CNTN5: variants seen among roughly 807,000 people sequenced by gnomAD.
CNTN5 encodes contactin 5.
CNTN5 carries 77 observed loss-of-function variants against 129.1 expected under a neutral mutation model. That is an observed-to-expected ratio of 0.60 (90% CI 0.50 to 0.72). The LOEUF (loss-of-function observed/expected upper bound fraction) is 0.72, where lower values mean the gene tolerates loss of function less well. CNTN5 is among the 30% of genes least tolerant of loss of function. The probability of loss-of-function intolerance (pLI) is 0.00; values close to 1 mark genes in which losing one functional copy is unlikely to be tolerated. For synonymous variants in CNTN5, 509 were observed against 465.6 expected, an observed-to-expected ratio of 1.09 and a Z score of -1.20; for missense variants, 1,478 against 1,328.8, an observed-to-expected ratio of 1.11 and a Z score of -1.75.
At chr11:99,545,834 G>GT (rs1948272888) in intron 2 of CNTN5, among the ~76,000 whole-genome samples, 1 of 152,124 alleles carries the variant, frequency 6.6e-6, no homozygotes, top group Non-Finnish European at 1.5e-5. Context: ...CCCCTTTTCC[G>GT]TAAGTTGCAC....
chr11:100,221,307 T>C (rs1318474433), intron 15 of CNTN5, among the ~76,000 whole-genome samples: 1 of 152,198 alleles, frequency 6.6e-6, no homozygotes, highest in African/African-American at 2.4e-5. Context: ...GGTAGAATCA[T>C]GCTCTAAAGA....
chr11:99,383,592 G>A (rs1427299654), intron 2 of CNTN5, among the ~76,000 whole-genome samples: 1 of 140,696 alleles, frequency 7.1e-6, no homozygotes, highest in Non-Finnish European at 1.6e-5. Flanking sequence ...AGGTTGAGAA[G>A]CTGCTTTTTT....
chr11:99,294,731 T>C (rs1221532763), intron 1 of CNTN5, among the ~76,000 whole-genome samples: 1 of 152,220 alleles, frequency 6.6e-6, no homozygotes, highest in Non-Finnish European at 1.5e-5. Flanking sequence ...GGAGGTGGAA[T>C]GAGGATACTC....
rs150690006 is a variant in CNTN5 at position 99,692,559 on chromosome 11, C to T, written c.56-126985C>T. 5.4e-3 allele frequency among the ~76,000 whole-genome samples: 820 copies of T among 151,638 alleles called. 9 individuals carry two copies. The highest frequency in any genetic ancestry group is 0.018 in the African/African-American group (749 of 41,340). Reference sequence around the variant, plus strand: ...TTCTTTAATAATATTGAATATTTGCCCTCAATCTCTTCTGGTTTGTAAGGT... The same window carrying T: ...TTCTTTAATAATATTGAATATTTGCTCTCAATCTCTTCTGGTTTGTAAGGT... On this transcript the variant is annotated intron_variant, in intron 3 of 24. Transcript: ENST00000524871.
intron 3 of CNTN5, among the ~76,000 whole-genome samples, chr11:99,688,794 C>G (rs1191167413): frequency 6.6e-6 from 1 of 152,082 alleles, no homozygotes; most frequent in Non-Finnish European, 1.5e-5. Context: ...TGTGTGTTTT[C>G]CCTCTCTACA....
intron 6 of CNTN5, among the ~76,000 whole-genome samples, chr11:99,898,402 C>CA (rs1353082291): frequency 2.6e-5 from 4 of 151,648 alleles, no homozygotes; most frequent in East Asian, 1.9e-4. Context: ...ACCAGAAAAA[C>CA]AAAAAAAGAT....
intron 2 of CNTN5, among the ~76,000 whole-genome samples, chr11:99,461,851 T>C (rs1335807131): frequency 6.6e-6 from 1 of 152,208 alleles, no homozygotes; most frequent in East Asian, 1.9e-4. Flanking sequence ...AAAATAGAAT[T>C]GTGTTACAAT....
intron 1 of CNTN5, among the ~76,000 whole-genome samples, chr11:99,247,412 C>G (rs1861866306): frequency 6.6e-6 from 1 of 151,880 alleles, no homozygotes; most frequent in Non-Finnish European, 1.5e-5. Flanking sequence ...TCCTTCATTT[C>G]AGATAAAATA....
intron 9 of CNTN5, among the ~76,000 whole-genome samples, chr11:100,037,273 T>C (rs1367669031): frequency 1.3e-5 from 2 of 150,766 alleles, no homozygotes; most frequent in Admixed American, 6.6e-5. Flanking sequence ...ATTACATTTA[T>C]TGATTTGTGT....
At chr11:99,075,648 A>T (rs549538344) in intron 1 of CNTN5, among the ~76,000 whole-genome samples, 24 of 152,184 alleles carry the variant, frequency 1.6e-4, no homozygotes, top group African/African-American at 5.8e-4. Flanking sequence ...TTATTTAGCA[A>T]CTTTATTTCC....
At chr11:100,287,248 T>C (rs1260497507) in intron 18 of CNTN5, among the ~76,000 whole-genome samples, 1 of 151,994 alleles carries the variant, frequency 6.6e-6, no homozygotes, top group African/African-American at 2.4e-5. Context: ...ATTCAGGAAA[T>C]ACAGAGAATG....
At chr11:99,740,607 T>G (rs1591072136) in intron 3 of CNTN5, among the ~76,000 whole-genome samples, 1 of 152,142 alleles carries the variant, frequency 6.6e-6, no homozygotes, top group East Asian at 1.9e-4. Flanking sequence ...ATGTTTGTAG[T>G]CCTGACTTGG....
intron 1 of CNTN5, among the ~76,000 whole-genome samples, chr11:99,240,279 G>GA (rs752113233): frequency 2.5e-4 from 38 of 152,150 alleles, no homozygotes; most frequent in African/African-American, 5.3e-4. Context: ...GAAATAATGA[G>GA]AAAAAATCTA....
intron 3 of CNTN5, among the ~76,000 whole-genome samples, chr11:99,665,676 G>C (rs190145654): frequency 6.6e-6 from 1 of 151,456 alleles, no homozygotes; most frequent in Non-Finnish European, 1.5e-5. Context: ...TAGTAGAGCC[G>C]GGGTTGCACA....
intron 2 of CNTN5, among the ~76,000 whole-genome samples, chr11:99,415,165 A>G (rs1039044398): frequency 1.3e-5 from 2 of 152,194 alleles, no homozygotes; most frequent in Non-Finnish European, 2.9e-5. Flanking sequence ...AAGGAGGTTA[A>G]CAGGAGCAAA....
chr11:100,303,086 C>CT (rs1445628505), intron 20 of CNTN5, among the ~76,000 whole-genome samples: 11 of 151,512 alleles, frequency 7.3e-5, no homozygotes, highest in Middle Eastern at 3.2e-3. Context: ...CTTAATGACT[C>CT]TGTCAGTGCC....
At chr11:99,199,250 C>T (rs551829729) in intron 1 of CNTN5, among the ~76,000 whole-genome samples, 1 of 152,100 alleles carries the variant, frequency 6.6e-6, no homozygotes, top group Non-Finnish European at 1.5e-5. Context: ...AAGACAAATG[C>T]GACTCAGGAT....
intron 4 of CNTN5, among the ~76,000 whole-genome samples, chr11:99,824,647 A>T (rs565614794): frequency 2.6e-5 from 4 of 151,672 alleles, no homozygotes; most frequent in African/African-American, 4.8e-5. Context: ...TTCATGTCCT[A>T]AAAAAAACCC....
At chr11:99,954,110 T>C (rs1297961313) in intron 7 of CNTN5, among the ~76,000 whole-genome samples, 1 of 152,140 alleles carries the variant, frequency 6.6e-6, no homozygotes. Context: ...CAAACCTGCA[T>C]GTTCTGCACA....
Sources: gnomAD v4.1 joint callset for allele counts (sites outside exome capture counted in the v4.1 genomes callset) on GRCh38, gnomAD v4.1.1 for gene constraint, MANE v1.5 for transcripts, NCBI Gene and HGNC (gene_info 2026-07-23, HGNC 2026-07-21) for gene names.